The following MSRA variants were observed in gnomAD, a reference collection of about 807,000 sequenced individuals.
MSRA encodes mitochondrial peptide methionine sulfoxide reductase.
In MSRA, 54 loss-of-function variants were observed where a neutral mutation model predicts 31.3. The observed-to-expected ratio is 1.73, with a 90% CI of 1.39 to 2.17. The LOEUF is 2.17. Among genes scored for constraint, MSRA ranks in the 30% most tolerant of loss-of-function variants. MSRA has a pLI of 0.00. For synonymous variants in MSRA, 169 were observed against 116.5 expected, an observed-to-expected ratio of 1.45 and a Z score of -2.90; for missense variants, 507 against 300.9, an observed-to-expected ratio of 1.69 and a Z score of -5.07.
chr8:10,060,165 A>G (rs1802629592), intron 1 of MSRA, among the ~76,000 whole-genome samples: 1 of 152,214 alleles, frequency 6.6e-6, no homozygotes, highest in African/African-American at 2.4e-5. Context: ...GCACCAGGTT[A>G]TTCACTACAG....
chr8:10,370,332 C>A (rs141147628), intron 5 of MSRA, among the ~76,000 whole-genome samples: 59 of 152,314 alleles, frequency 3.9e-4, no homozygotes, highest in African/African-American at 1.2e-3. Flanking sequence ...AGTACTGCTT[C>A]CTGTGAGAAG....
intron 4 of MSRA, among the ~76,000 whole-genome samples, chr8:10,315,217 A>G (rs1169982935): frequency 6.6e-6 from 1 of 152,236 alleles, no homozygotes; most frequent in Non-Finnish European, 1.5e-5. Flanking sequence ...TATTGGAGCT[A>G]CAGCTCAAGA....
intron 1 of MSRA, among the ~76,000 whole-genome samples, chr8:10,179,469 C>T (rs1379964291): frequency 6.6e-6 from 1 of 152,158 alleles, no homozygotes; most frequent in Non-Finnish European, 1.5e-5. Context: ...CTGTGTATTT[C>T]AGTCATTCTG....
chr8:10,072,169 C>T (rs1400835067), intron 1 of MSRA, among the ~76,000 whole-genome samples: 1 of 152,146 alleles, frequency 6.6e-6, no homozygotes, highest in Non-Finnish European at 1.5e-5. Context: ...GATACGTATT[C>T]CACACAAGGC....
At chr8:10,376,227 C>T (rs1238921981) in intron 5 of MSRA, among the ~76,000 whole-genome samples, 1 of 152,206 alleles carries the variant, frequency 6.6e-6, no homozygotes, top group Non-Finnish European at 1.5e-5. Flanking sequence ...TGGGCGATCA[C>T]ATGTCTCTTA....
intron 1 of MSRA, among the ~76,000 whole-genome samples, chr8:10,063,543 G>A (rs1332967369): frequency 6.6e-6 from 1 of 152,162 alleles, no homozygotes; most frequent in Non-Finnish European, 1.5e-5. Context: ...CTGAATTCAT[G>A]TTGAAATCCT....
chr8:10,389,250 C>T (rs1196801393), intron 5 of MSRA, among the ~76,000 whole-genome samples: 2 of 152,118 alleles, frequency 1.3e-5, no homozygotes, highest in African/African-American at 4.8e-5. Flanking sequence ...AAGCTGTAGC[C>T]AGGCTTGAGA....
rs545880671 is a variant in MSRA at position 10,220,866 on chromosome 8, A to T, written c.211+12965A>T. Among the ~76,000 whole-genome samples the T allele has an allele frequency of 5.3e-5, 8 of 152,338 alleles. No homozygotes were observed. In the East Asian group the frequency reaches 1.5e-3, roughly 29 times the overall value. On this transcript the variant is annotated intron_variant, in intron 2 of 5. Transcript: ENST00000317173. ...ATTCATCTTACAAGGACATTAAGGGAGGAGGACTGGGGAGGGTCGTCTGGG... is the reference window on the plus strand; with the variant it reads ...ATTCATCTTACAAGGACATTAAGGGTGGAGGACTGGGGAGGGTCGTCTGGG...
intron 4 of MSRA, among the ~76,000 whole-genome samples, chr8:10,312,999 G>A (rs1322338959): frequency 6.6e-6 from 1 of 152,134 alleles, no homozygotes; most frequent in African/African-American, 2.4e-5. Context: ...TTGGAGTGGG[G>A]GTCCTAGCTC....
At chr8:10,245,782 CTGTT>C (rs1303224032) in intron 3 of MSRA, among the ~76,000 whole-genome samples, 4 of 152,242 alleles carry the variant, frequency 2.6e-5, no homozygotes, top group Non-Finnish European at 5.9e-5. Flanking sequence ...GGCCCATTCT[CTGTT>C]TGTGTTACGT....
chr8:10,317,564 G>A (rs959567122), intron 4 of MSRA, among the ~76,000 whole-genome samples: 3 of 152,154 alleles, frequency 2.0e-5, no homozygotes, highest in Non-Finnish European at 4.4e-5. Context: ...CAGGAGGTCA[G>A]TTCTCATCAA....
At chr8:10,101,098 G>A (rs371080645) in intron 1 of MSRA, among the ~76,000 whole-genome samples, 17 of 152,190 alleles carry the variant, frequency 1.1e-4, no homozygotes, top group African/African-American at 3.1e-4. Flanking sequence ...GTCCTTTACC[G>A]TCTTGGGTTA....
At chr8:10,240,749 C>A (rs373221397) in intron 2 of MSRA, among the ~76,000 whole-genome samples, 3 of 152,264 alleles carry the variant, frequency 2.0e-5, no homozygotes, top group South Asian at 4.1e-4. Context: ...TCTTTCCTGG[C>A]CACTCTAGAG....
At chr8:10,258,887 G>C (rs1006954595) in intron 3 of MSRA, among the ~76,000 whole-genome samples, 1 of 152,066 alleles carries the variant, frequency 6.6e-6, no homozygotes, top group African/African-American at 2.4e-5. Context: ...CGGGCAGATC[G>C]CTTGAGGTCA....
At chr8:10,278,458 T>C (rs1409175709) in intron 3 of MSRA, among the ~76,000 whole-genome samples, 1 of 152,194 alleles carries the variant, frequency 6.6e-6, no homozygotes, top group Non-Finnish European at 1.5e-5. Context: ...ACGTGGCAAT[T>C]CAGGGGGTCA....
intron 5 of MSRA, among the ~76,000 whole-genome samples, chr8:10,416,027 G>C (rs1222515888): frequency 2.0e-5 from 3 of 152,130 alleles, no homozygotes; most frequent in African/African-American, 7.2e-5. Flanking sequence ...GTGGGGGACA[G>C]GAGTCCTCGT....
chr8:10,159,255 GCCATCCA>G (rs1165506037), intron 1 of MSRA, among the ~76,000 whole-genome samples: 3 of 152,220 alleles, frequency 2.0e-5, no homozygotes, highest in African/African-American at 7.2e-5. Context: ...CCTGCGTGAG[GCCATCCA>G]TTGACAGAGG....
chr8:10,090,893 T>G (rs544512320), intron 1 of MSRA, among the ~76,000 whole-genome samples: 6 of 152,350 alleles, frequency 3.9e-5, no homozygotes, highest in Admixed American at 1.3e-4. Flanking sequence ...CTGAGTAATA[T>G]TCCAATGTGT....
intron 1 of MSRA, among the ~76,000 whole-genome samples, chr8:10,113,980 T>C (rs1248769210): frequency 6.6e-6 from 1 of 152,180 alleles, no homozygotes; most frequent in Non-Finnish European, 1.5e-5. Flanking sequence ...CTCTTCCCCC[T>C]GTCCTTGGCA....
Sources: allele counts gnomAD v4.1 joint callset (sites outside exome capture counted in the v4.1 genomes callset), GRCh38; gene constraint gnomAD v4.1.1; transcripts MANE v1.5; gene names NCBI Gene and HGNC (gene_info 2026-07-23, HGNC 2026-07-21).